TMCO4: variants seen among roughly 807,000 people sequenced by gnomAD.
TMCO4 encodes transmembrane and coiled-coil domain-containing protein 4.
In TMCO4, 58 loss-of-function variants were observed where a neutral mutation model predicts 64.7. The observed-to-expected ratio is 0.90, with a 90% CI of 0.73 to 1.12. TMCO4 has a LOEUF of 1.12. TMCO4 is among the 50% of genes most tolerant of loss of function. The pLI, the probability that TMCO4 is intolerant of heterozygous loss-of-function variation, is 0.00. For missense variants in TMCO4, 780 were observed against 825.9 expected (o/e 0.94, Z 0.68); for synonymous variants, 325 against 346.1 (o/e 0.94, Z 0.68).
intron 14 of TMCO4, among the ~76,000 whole-genome samples, chr1:19,699,031 C>T (rs2095254512): frequency 1.3e-5 from 2 of 152,224 alleles, no homozygotes; most frequent in East Asian, 3.9e-4. Context: ...CCCATCTCTA[C>T]TAAAAATACA....
intron 2 of TMCO4, among the ~76,000 whole-genome samples, chr1:19,791,798 G>C (rs1453908050): frequency 6.6e-6 from 1 of 152,222 alleles, no homozygotes; most frequent in Admixed American, 6.5e-5. Flanking sequence ...CCAGCTCCCG[G>C]TAGCCTCCTG....
intron 7 of TMCO4, among the ~76,000 whole-genome samples, chr1:19,752,924 C>A (rs1011576029): frequency 6.6e-6 from 1 of 151,274 alleles, no homozygotes; most frequent in African/African-American, 2.4e-5. Context: ...AACGTTCTTA[C>A]GATGTGAGCG....
At chr1:19,762,613 T>G (rs1029767626) in intron 6 of TMCO4, among the ~76,000 whole-genome samples, 3 of 152,244 alleles carry the variant, frequency 2.0e-5, no homozygotes, top group African/African-American at 7.2e-5. Context: ...CGAACACTCT[T>G]ATGCATCAAA....
chr1:19,708,572 A>C (rs543175902), intron 13 of TMCO4, among the ~76,000 whole-genome samples: 1 of 152,306 alleles, frequency 6.6e-6, no homozygotes, highest in South Asian at 2.1e-4. Flanking sequence ...GGCCCCACAG[A>C]GAACACTTTC....
chr1:19,746,132 T>C (rs1310488121), intron 9 of TMCO4, among the ~76,000 whole-genome samples: 2 of 152,150 alleles, frequency 1.3e-5, no homozygotes, highest in Non-Finnish European at 2.9e-5. Context: ...CCCCAGGTGA[T>C]GCTGCTCAGG....
rs974926667 is a variant in TMCO4, at chr1:19,716,351, G to A, written c.1265-15466C>T. Among the ~76,000 whole-genome samples, 11 of 146,064 alleles carry A rather than the reference G, an allele frequency of 7.5e-5. No individual in the cohort carries two copies. In the East Asian group the frequency reaches 1.6e-3, roughly 21 times the overall value. ...AGGGATTACAGGTGCCTGCCACTAC[G>A]CCCGGCTATTTTTTTTTTCTTTTTT... On this transcript the variant is annotated intron_variant, in intron 13 of 15. Coordinates refer to ENST00000294543, the MANE Select transcript of TMCO4 (RefSeq NM_181719.7).
Position 19,780,815 on chromosome 1 carries a change from G to T in TMCO4, c.-8-49C>A, listed in dbSNP as rs575402107. On this transcript the variant is annotated intron_variant, in intron 3 of 15. Transcript: ENST00000294543. ...GAAATGCTTCCAGAGGTAAGCCAAG[G>T]TTACTTAAGCATGACACAGAACTTA... 60 of 1,447,118 alleles carry T rather than the reference G, an allele frequency of 4.1e-5. No homozygotes were observed. The South Asian group carries it at 6.5e-4, about 16-fold the overall frequency. 89.6% of individuals were successfully genotyped at this position (1,447,118 alleles called of 1,614,324 possible). A position where few individuals can be genotyped will look rare whatever the true frequency, so the allele number is the denominator to read the frequency against.
intron 13 of TMCO4, among the ~76,000 whole-genome samples, chr1:19,703,223 TC>T (rs2095283674): frequency 6.6e-6 from 1 of 152,236 alleles, no homozygotes; most frequent in Non-Finnish European, 1.5e-5. Flanking sequence ...CTTAGCCACT[TC>T]CGAGCTATGT....
intron 2 of TMCO4, among the ~76,000 whole-genome samples, chr1:19,795,507 TA>T (rs200210349): frequency 1.3e-5 from 2 of 151,992 alleles, no homozygotes; most frequent in African/African-American, 2.4e-5. Context: ...ATTAAAAATT[TA>T]AAAAAAATTT....
chr1:19,795,732 G>A (rs968492018), intron 2 of TMCO4, among the ~76,000 whole-genome samples: 2 of 152,120 alleles, frequency 1.3e-5, no homozygotes, highest in Admixed American at 6.6e-5. Flanking sequence ...CTTAGGCCAC[G>A]GGCAGCCATC....
At chr1:19,708,004 C>T (rs140427384) in intron 13 of TMCO4, among the ~76,000 whole-genome samples, 8 of 152,254 alleles carry the variant, frequency 5.3e-5, no homozygotes, top group Non-Finnish European at 1.0e-4. Context: ...CAATCGCCTC[C>T]CACCAGGCCT....
At chr1:19,708,312 T>A (rs2095312683) in intron 13 of TMCO4, among the ~76,000 whole-genome samples, 1 of 151,764 alleles carries the variant, frequency 6.6e-6, no homozygotes, top group South Asian at 2.1e-4. Context: ...TTTCAGCAGC[T>A]CACACTGGAC....
At chr1:19,717,993 G>A (rs2095364276) in intron 13 of TMCO4, among the ~76,000 whole-genome samples, 1 of 152,094 alleles carries the variant, frequency 6.6e-6, no homozygotes, top group South Asian at 2.1e-4. Context: ...GGGTGCCCTT[G>A]GAGAAGTCAC....
intron 2 of TMCO4, among the ~76,000 whole-genome samples, chr1:19,792,017 G>A (rs1460300768): frequency 6.6e-6 from 1 of 152,114 alleles, no homozygotes; most frequent in African/African-American, 2.4e-5. Context: ...CTTTTCGCTC[G>A]GTTCTCACTT....
chr1:19,755,823 T>A lies in TMCO4; in HGVS notation c.383-57A>T, dbSNP rs2042230351. 6 of 1,606,578 alleles carry A rather than the reference T, an allele frequency of 3.7e-6. No individual in the cohort carries two copies. The East Asian group carries it at 1.3e-4, about 36-fold the overall frequency. ...TCAGTTTAGGTTTTAAGAACAGTGA[T>A]GTTAGCAGTGTAACTGATAAAACCC... is the stretch of plus-strand genomic sequence containing the variant. On this transcript the variant is annotated intron_variant, in intron 6 of 15. Transcript: ENST00000294543.
At chr1:19,695,163 C>T (rs1400299170) in intron 14 of TMCO4, among the ~76,000 whole-genome samples, 1 of 152,202 alleles carries the variant, frequency 6.6e-6, no homozygotes, top group Non-Finnish European at 1.5e-5. Context: ...GCGCTGGGAA[C>T]ATTCCTCTAC....
chr1:19,689,725 T>C (rs960719355), intron 15 of TMCO4, among the ~76,000 whole-genome samples: 3 of 152,262 alleles, frequency 2.0e-5, no homozygotes, highest in Admixed American at 1.3e-4. Context: ...TTTTTATCTC[T>C]GATTCTTCTG....
At chr1:19,708,252 C>T (rs552168148) in intron 13 of TMCO4, among the ~76,000 whole-genome samples, 10 of 140,236 alleles carry the variant, frequency 7.1e-5, no homozygotes, top group African/African-American at 2.7e-4. Context: ...CAAAGACCCC[C>T]AGAATTTAGA....
In TMCO4 at chr1:19,683,246, A is replaced by C; in HGVS notation, c.1699T>G (p.Ser567Ala). 3.1e-6 allele frequency: 5 copies of C among 1,614,114 alleles called. No homozygotes were observed. Among genetic ancestry groups the C allele is most frequent in the Non-Finnish European group, 4.2e-6 (5 of 1,180,004 alleles). ...HQVGQTQGPI[S>A]GDTSKLAMST... ...ATGGCCAATTTGGAGGTGTCTCCGG[A>C]TATGGGACCCTGGGTTTGCCCAACC... is the stretch of plus-strand genomic sequence containing the variant. Residue 567 changes from serine to alanine, a missense_variant, in exon 16 of 16, where the codon TCC (serine) becomes GCC (alanine). Coordinates refer to ENST00000294543, the MANE Select transcript of TMCO4 (RefSeq NM_181719.7).
Sources: allele counts gnomAD v4.1 joint callset (sites outside exome capture counted in the v4.1 genomes callset), GRCh38; gene constraint gnomAD v4.1.1; transcripts MANE v1.5; gene names NCBI Gene and HGNC (gene_info 2026-07-23, HGNC 2026-07-21).